The following MPP7 variants were observed in gnomAD, a reference collection of about 807,000 sequenced individuals.
MPP7 encodes the protein MAGUK p55 subfamily member 7.
A neutral mutation model predicts 76.5 loss-of-function variants in MPP7; 60 were observed. The ratio of observed to expected loss-of-function variants is 0.78; its 90% CI spans 0.64 to 0.97. The LOEUF (loss-of-function observed/expected upper bound fraction) is 0.97, where lower values mean the gene tolerates loss of function less well. Ranked by LOEUF, MPP7 falls within the 50% of genes least tolerant of loss-of-function variation. The pLI is 0.00. For missense variants in MPP7, 641 were observed against 694.0 expected (o/e 0.92, Z 0.86); for synonymous variants, 237 against 244.5 (o/e 0.97, Z 0.29).
intron 11 of MPP7, chr10:28,118,445 T>G (rs1834726454): frequency 1.0e-6 from 1 of 984,918 alleles, no homozygotes; most frequent in Non-Finnish European, 1.2e-6. Context: ...TGACACATTA[T>G]CTTATCCCAC....
chr10:28,320,945 G>A (rs1834364157), intron 2 of MPP7, among the ~76,000 whole-genome samples: 2 of 152,060 alleles, frequency 1.3e-5, no homozygotes, highest in Non-Finnish European at 2.9e-5. Context: ...GGCAGACAGA[G>A]TGTCCCCCAG....
At chr10:28,275,208 AAC>A (rs1181905188) in intron 1 of MPP7, among the ~76,000 whole-genome samples, 3 of 152,126 alleles carry the variant, frequency 2.0e-5, no homozygotes, top group African/African-American at 7.2e-5. Context: ...AGGCATCTCA[AAC>A]ACAACATGTT....
chr10:28,226,749 C>G (rs1838704830), intron 2 of MPP7, among the ~76,000 whole-genome samples: 1 of 152,040 alleles, frequency 6.6e-6, no homozygotes, highest in African/African-American at 2.4e-5. Flanking sequence ...AAATAAACTA[C>G]AAAGACATCA....
At chr10:28,253,977 CAGAG>C (rs1839700407) in intron 1 of MPP7, among the ~76,000 whole-genome samples, 1 of 107,936 alleles carries the variant, frequency 9.3e-6, no homozygotes, top group African/African-American at 3.6e-5. Context: ...GCCTGGGATA[CAGAG>C]AGAGAGTCTG....
At chr10:28,320,325 G>A (rs1362818261) in intron 2 of MPP7, among the ~76,000 whole-genome samples, 1 of 152,102 alleles carries the variant, frequency 6.6e-6, no homozygotes, top group African/African-American at 2.4e-5. Context: ...GTAGGGAAGG[G>A]TTGGACAGCC....
intron 7 of MPP7, 113 bp from the exon 8 acceptor site, chr10:28,124,229 T>C: frequency 2.8e-6 from 2 of 726,314 alleles, no homozygotes; most frequent in Non-Finnish European, 4.9e-6. Flanking sequence ...ACTTAACGAA[T>C]GGAAAGGAGA....
intron 2 of MPP7, among the ~76,000 whole-genome samples, chr10:28,324,129 G>C (rs1363418321): frequency 3.3e-5 from 5 of 152,096 alleles, no homozygotes; most frequent in African/African-American, 1.2e-4. Flanking sequence ...ATGATATTAG[G>C]AGGCAGGGTC....
At chr10:28,170,874 C>T (rs552450684) in intron 3 of MPP7, among the ~76,000 whole-genome samples, 1 of 152,242 alleles carries the variant, frequency 6.6e-6, no homozygotes, top group East Asian at 1.9e-4. Context: ...TCCCTTTTAG[C>T]CTCAGACTTA....
chr10:28,101,191 C>CA (rs1564630805), intron 11 of MPP7, among the ~76,000 whole-genome samples: 1 of 152,092 alleles, frequency 6.6e-6, no homozygotes, highest in Non-Finnish European at 1.5e-5. Flanking sequence ...CTTTCATATT[C>CA]AAGAAAGAAC....
rs370641042 is a variant in MPP7 at position 28,147,465 on chromosome 10, G to A, written c.315+18C>T. 992 of 1,602,054 alleles carry A rather than the reference G, an allele frequency of 6.2e-4. 2 individuals are homozygous for A. Among genetic ancestry groups the A allele is most frequent in the Non-Finnish European group, 7.8e-4 (912 of 1,169,102 alleles). On this transcript the variant is annotated intron_variant, in intron 5 of 16. Coordinates refer to ENST00000683449, the MANE Select transcript of MPP7 (RefSeq NM_001318170.2). ...GCCCTGTTTGAAGGTATTTATTACC[G>A]GCGTAACATGTCCTCACCTTCACAT...
rs78890873 is a variant in MPP7, at chr10:28,067,867, T to A, written c.1204+1905A>T. Among the ~76,000 whole-genome samples the A allele has an allele frequency of 2.2e-3, 341 of 152,202 alleles. 2 individuals are homozygous for A. Among genetic ancestry groups the A allele is most frequent in the Non-Finnish European group, 3.4e-3 (232 of 67,984 alleles). On this transcript the variant is annotated intron_variant, in intron 13 of 16. Transcript: ENST00000683449. ...AGGAGGAAGAACATGAGAACTGGTA[T>A]CAAAAAAAACTTGGTTTCGAATCCA...
At chr10:28,188,702 T>C (rs1002012929) in intron 3 of MPP7, among the ~76,000 whole-genome samples, 50 of 152,072 alleles carry the variant, frequency 3.3e-4, no homozygotes, top group African/African-American at 1.1e-3. Flanking sequence ...AGCAAACATC[T>C]TGAAAGAAGC....
intron 2 of MPP7, among the ~76,000 whole-genome samples, chr10:28,229,579 A>G (rs550501160): frequency 8.5e-5 from 13 of 152,294 alleles, no homozygotes; most frequent in African/African-American, 3.1e-4. Flanking sequence ...ACTCTAAATG[A>G]ATACTGATAG....
chr10:28,137,022 A>C (rs1835373287), intron 5 of MPP7, among the ~76,000 whole-genome samples: 1 of 152,178 alleles, frequency 6.6e-6, no homozygotes, highest in African/African-American at 2.4e-5. Flanking sequence ...CCAAGCACAA[A>C]GAAAACATAA....
chr10:28,236,692 G>A (rs1443034294), intron 2 of MPP7: 3 of 152,164 alleles, frequency 2.0e-5, no homozygotes, highest in South Asian at 2.1e-4. Flanking sequence ...TACACAGAAC[G>A]TATTTTCCCA....
intron 2 of MPP7, among the ~76,000 whole-genome samples, chr10:28,228,592 C>T (rs1453556903): frequency 2.0e-5 from 3 of 151,910 alleles, no homozygotes; most frequent in Non-Finnish European, 2.9e-5. Flanking sequence ...ATGGTGAAAC[C>T]CTGTCTCTAC....
chr10:28,304,965 A>G (rs1439316352), upstream of MPP7, among the ~76,000 whole-genome samples: 1 of 152,162 alleles, frequency 6.6e-6, no homozygotes, highest in Non-Finnish European at 1.5e-5. Flanking sequence ...AAGATGGACA[A>G]TGATCCAATA....
chr10:28,220,012 A>T (rs1838446902), intron 2 of MPP7, among the ~76,000 whole-genome samples: 1 of 152,166 alleles, frequency 6.6e-6, no homozygotes, highest in Non-Finnish European at 1.5e-5. Context: ...CAAATAACTT[A>T]TTAAAGCATT....
chr10:28,166,398 T>C (rs10826411), intron 3 of MPP7, among the ~76,000 whole-genome samples: 15,101 of 145,616 alleles, frequency 0.1, 1,372 homozygotes, highest in East Asian at 0.44. Flanking sequence ...TTTTACCTTT[T>C]AATTTTTTTT....
Sources: gnomAD v4.1 joint callset for allele counts (sites outside exome capture counted in the v4.1 genomes callset) on GRCh38, gnomAD v4.1.1 for gene constraint, MANE v1.5 for transcripts, NCBI Gene and HGNC (gene_info 2026-07-23, HGNC 2026-07-21) for gene names.